HPS4: variants seen among roughly 807,000 people sequenced by gnomAD.
HPS4 encodes the protein HPS4 biogenesis of lysosomal organelles complex 3 subunit 2.
Under a neutral mutation model 70.3 loss-of-function variants are expected in HPS4, and 44 were observed. The ratio of observed to expected loss-of-function variants is 0.63; its 90% CI spans 0.49 to 0.80. The LOEUF (loss-of-function observed/expected upper bound fraction) is 0.80, where lower values mean the gene tolerates loss of function less well. Among genes scored for constraint, HPS4 ranks in the 30% least tolerant of loss-of-function variants. HPS4 has a pLI of 0.00. For missense variants in HPS4, 873 were observed against 884.4 expected (o/e 0.99, Z 0.16); for synonymous variants, 377 against 355.9 (o/e 1.06, Z -0.67).
At chr22:26,467,667 TAATAC>T (rs1453277423) in intron 8 of HPS4, 5 of 152,196 alleles carry the variant, frequency 3.3e-5, no homozygotes, top group African/African-American at 1.2e-4. Flanking sequence ...GCCTGTTCAC[TAATAC>T]ATGTAAAAAG....
At chr22:26,478,570 CA>C (rs58708957) in intron 3 of HPS4, among the ~76,000 whole-genome samples, 2,320 of 111,188 alleles carry the variant, frequency 0.021, 39 homozygotes, top group African/African-American at 0.08. Flanking sequence ...GCCTCCATCA[CA>C]AAAAAAAAAA....
Position 26,464,570 on chromosome 22 carries a change from A to T in HPS4, c.1060T>A (p.Ser354Thr), listed in dbSNP as rs114685298. The T allele has an allele frequency of 1.5e-3, 2,372 of 1,614,124 alleles. 32 individuals are homozygous for T. In the African/African-American group the frequency reaches 0.028, roughly 19 times the overall value. The change falls in exon 11 of 14, where the codon TCC becomes ACC. Residue 354 changes from serine (S) to threonine (T), a missense_variant. Ser to Thr is a moderately conservative substitution (Grantham distance 58). Coordinates refer to ENST00000398145, the MANE Select transcript of HPS4 (RefSeq NM_022081.6). The part of the protein sequence containing the change: ...SARGEVLGLS[S>T]SLGKELVFLQ... ...AAGACTAGTTCCTTCCCCAGGGAGG[A>T]GCTGAGGCCAAGAACCTCACCCCTG...
chr22:26,458,374 C>T (rs1046507898), intron 12 of HPS4, 71 bp downstream of exon 12: 2 of 1,576,472 alleles, frequency 1.3e-6, no homozygotes, highest in African/African-American at 2.7e-5. Flanking sequence ...GATGCTGGGG[C>T]TCAAGTTCTC....
chr22:26,476,935 A>C, intron 4 of HPS4, 58 bp downstream of exon 4: 1 of 1,587,096 alleles, frequency 6.3e-7, no homozygotes, highest in Non-Finnish European at 8.7e-7. Context: ...CAGAAACAAC[A>C]TAACTTCCTA....
intron 9 of HPS4, chr22:26,465,896 T>A: frequency 1.6e-6 from 1 of 624,998 alleles, no homozygotes; most frequent in East Asian, 3.2e-5. Context: ...TGAGGACGCC[T>A]CCACATCCTG....
chr22:26,450,623 T>C (rs1249155961), downstream of HPS4, among the ~76,000 whole-genome samples: 1 of 152,220 alleles, frequency 6.6e-6, no homozygotes, highest in African/African-American at 2.4e-5. Flanking sequence ...TCTCATTTTG[T>C]AGTTCTCATA....
intron 11 of HPS4, among the ~76,000 whole-genome samples, chr22:26,460,661 T>C (rs2087063470): frequency 6.6e-6 from 1 of 152,268 alleles, no homozygotes; most frequent in Non-Finnish European, 1.5e-5. Context: ...CAAGATGCTA[T>C]GTCAGATGAC....
intron 6 of HPS4, chr22:26,471,273 T>C (rs1393225530): frequency 5.1e-5 from 22 of 435,328 alleles, no homozygotes; most frequent in Non-Finnish European, 8.7e-5. Flanking sequence ...GCTTGATGTC[T>C]GACCAGGTTC....
At chr22:26,465,887 G>C in intron 9 of HPS4, 1 of 584,768 alleles carries the variant, frequency 1.7e-6, no homozygotes, top group South Asian at 1.9e-5. Context: ...TAACTCTCCT[G>C]AGGACGCCTC....
chr22:26,468,537 G>A lies in HPS4; in HGVS notation c.669+14C>T. ...GGGGATGCTGTCCAGCCAGGTGGGT[G>A]GACTTTACAATACCTGCTCCTGAGG... is the stretch of plus-strand genomic sequence containing the variant. On this transcript the variant is annotated intron_variant, in intron 8 of 13. Transcript: ENST00000398145. 6.2e-7 allele frequency: 1 copy of A among 1,612,360 alleles called. No homozygotes were observed. The highest frequency in any genetic ancestry group is 8.5e-7 in the Non-Finnish European group (1 of 1,178,746).
chr22:26,480,987 A>C (rs2091225809), intron 2 of HPS4, among the ~76,000 whole-genome samples: 1 of 152,152 alleles, frequency 6.6e-6, no homozygotes, highest in Non-Finnish European at 1.5e-5. Context: ...CCAATACCTA[A>C]GGCTGGATGT....
At position 26,452,024 on chromosome 22, in the gene HPS4, A is replaced by G. The variant is rs749313648; in HGVS notation, c.*1209T>C. 1.0e-4 allele frequency: 29 copies of G among 283,694 alleles called. No homozygotes were observed. Among genetic ancestry groups the G allele is most frequent in the Non-Finnish European group, 1.5e-4 (22 of 145,710 alleles). The allele number at this position is 283,694 out of a possible 1,614,324, so 17.6% of individuals were successfully genotyped here. A position where few individuals can be genotyped will look rare whatever the true frequency, so the allele number is the denominator to read the frequency against. ...CGCGCGCACACACACACACACACACACACACACACACACACACACTGTCTT... is the reference window on the plus strand; with the variant it reads ...CGCGCGCACACACACACACACACACGCACACACACACACACACACTGTCTT... On this transcript the variant is annotated 3_prime_UTR_variant, in exon 14 of 14. Coordinates refer to ENST00000398145, the MANE Select transcript of HPS4 (RefSeq NM_022081.6).
chr22:26,455,831 CTA>C (rs1358097914), intron 13 of HPS4, among the ~76,000 whole-genome samples: 2 of 152,024 alleles, frequency 1.3e-5, no homozygotes, highest in African/African-American at 4.8e-5. Context: ...TGTCTCAACA[CTA>C]AACCCCTCTC....
chr22:26,453,813 T>G (rs1171176673), intron 13 of HPS4: 1 of 286,888 alleles, frequency 3.5e-6, no homozygotes, highest in Non-Finnish European at 6.8e-6. Context: ...ACAAGGACCC[T>G]GAGGCTCAGA....
At chr22:26,471,116 C>A (rs938290587) in intron 6 of HPS4, 2 of 464,828 alleles carry the variant, frequency 4.3e-6, no homozygotes, top group Non-Finnish European at 8.0e-6. Flanking sequence ...CCTGGGAGAC[C>A]GACTGTCTAC....
At chr22:26,457,809 A>G (rs2086424304) in intron 13 of HPS4, 50 bp downstream of exon 13, 4 of 1,427,736 alleles carry the variant, frequency 2.8e-6, no homozygotes, top group Non-Finnish European at 4.0e-6. Flanking sequence ...GGTGGTTCCC[A>G]TGAGCAGGAC....
Position 26,464,059 on chromosome 22 carries a change from C to G in HPS4, c.1571G>C (p.Gly524Ala), listed in dbSNP as rs143747386. The stretch of plus-strand genomic sequence containing the variant: ...TGCTGGTGTCAGCCTGGAGCTGATT[C>G]CATCTGCAGAGGGGCCAGCACCCTG... ...NCQGAGPSAD[G>A]ISSRLTPAES... The change falls in exon 11 of 14, where the codon GGA (glycine) becomes GCA (alanine). Residue 524 changes from glycine (G) to alanine (A), a missense_variant. Physicochemically the swap from Gly to Ala is moderately conservative, Grantham distance 60. Coordinates refer to ENST00000398145, the MANE Select transcript of HPS4 (RefSeq NM_022081.6). 5.6e-6 allele frequency: 9 copies of G among 1,614,168 alleles called. No homozygotes were observed. Among genetic ancestry groups the G allele is most frequent in the African/African-American group, 2.7e-5 (2 of 74,956 alleles).
In HPS4 at chr22:26,464,778, A is replaced by G. The variant is rs2088149876; in HGVS notation, c.852T>C (p.His284=). The G allele has an allele frequency of 6.3e-7, 1 of 1,586,426 alleles. No homozygotes were observed. Among genetic ancestry groups the G allele is most frequent in the South Asian group, 1.2e-5 (1 of 86,274 alleles). The change falls in exon 11 of 14, where the codon CAT becomes CAC. Residue 284 remains histidine, a synonymous_variant. Coordinates refer to ENST00000398145, the MANE Select transcript of HPS4 (RefSeq NM_022081.6). The part of the protein sequence containing the change: ...AGLQDGSAQH[H]PKGGSTSALK... ...GGGCAGATGTGCTCCCACCCTTTGGATGGTGCTGGGCTGAACCATCCTGGA... is the reference window on the plus strand; with the variant it reads ...GGGCAGATGTGCTCCCACCCTTTGGGTGGTGCTGGGCTGAACCATCCTGGA...
At position 26,468,606 on chromosome 22, in the gene HPS4, A is replaced by T; in HGVS notation, c.614T>A (p.Leu205His). The change falls in exon 8 of 14, where the codon CTC (leucine) becomes CAC (histidine). Residue 205 changes from leucine to histidine, a missense_variant. Physicochemically the swap from Leu to His is moderately conservative, Grantham distance 99 (BLOSUM62 -3). Coordinates refer to ENST00000398145, the MANE Select transcript of HPS4 (RefSeq NM_022081.6). Reference protein sequence around the residue: ...LYKGLIVSTQLPPSLTAKVLL... With the variant: ...LYKGLIVSTQHPPSLTAKVLL... The stretch of plus-strand genomic sequence containing the variant: ...GACCTTGGCGGTGAGGGAGGGCGGG[A>T]GTTGGGTGCTGACAATCCTAGGAGG... 1 of 1,612,212 alleles carries T rather than the reference A, an allele frequency of 6.2e-7. No individual in the cohort carries two copies. Among genetic ancestry groups the T allele is most frequent in the South Asian group, 1.1e-5 (1 of 91,026 alleles).
Sources: gnomAD v4.1 joint callset for allele counts (sites outside exome capture counted in the v4.1 genomes callset) on GRCh38, gnomAD v4.1.1 for gene constraint, MANE v1.5 for transcripts, NCBI Gene and HGNC (gene_info 2026-07-23, HGNC 2026-07-21) for gene names.